SCMH1: variants seen among roughly 807,000 people sequenced by gnomAD.
The protein encoded by SCMH1 is polycomb protein SCMH1.
Under a neutral mutation model 70.8 loss-of-function variants are expected in SCMH1, and 37 were observed. The ratio of observed to expected loss-of-function variants is 0.52; its 90% CI spans 0.40 to 0.69. SCMH1 has a LOEUF of 0.69. SCMH1 is among the 30% of genes least tolerant of loss of function. SCMH1 has a pLI of 0.00. For synonymous variants in SCMH1, 292 were observed against 307.4 expected (o/e 0.95, Z 0.52); for missense variants, 607 against 827.3 (o/e 0.73, Z 3.27).
chr1:41,196,370 G>A (rs1653020079), intron 1 of SCMH1, among the ~76,000 whole-genome samples: 1 of 151,984 alleles, frequency 6.6e-6, no homozygotes, highest in Non-Finnish European at 1.5e-5. Context: ...GGATAGATAA[G>A]CAGACCAATG....
rs753904360 is a variant in SCMH1 at position 41,090,533 on chromosome 1, C to CA, written c.746-15083dup. On this transcript the variant is annotated intron_variant, in intron 8 of 14. Coordinates refer to ENST00000337495, the Ensembl canonical transcript of SCMH1. ...TGGATATTCTCCTTTGATTCTAAAC[C>CA]AAAAAAAAAAAAGATAAATGCTTGA... Among the ~76,000 whole-genome samples the CA allele has an allele frequency of 1.7e-3, 235 of 135,606 alleles. 1 individual carries two copies. The highest frequency in any genetic ancestry group is 7.5e-3 in the Middle Eastern group (2 of 268). The allele number at this position is 135,606 out of a possible 152,430, so 89.0% of individuals were successfully genotyped here. A position where few individuals can be genotyped will look rare whatever the true frequency, so the allele number is the denominator to read the frequency against.
intron 6 of SCMH1, among the ~76,000 whole-genome samples, chr1:41,126,355 A>G (rs1326592517): frequency 6.6e-6 from 1 of 152,140 alleles, no homozygotes; most frequent in African/African-American, 2.4e-5. Context: ...TTTCTAATCA[A>G]TTTTAGGGTT....
intron 12 of SCMH1, among the ~76,000 whole-genome samples, chr1:41,042,210 T>C (rs1287633940): frequency 6.6e-6 from 1 of 151,640 alleles, no homozygotes; most frequent in African/African-American, 2.4e-5. Context: ...GTAGGGACAA[T>C]ATCTTTGTCA....
chr1:41,128,012 C>T (rs1408679356), intron 6 of SCMH1, among the ~76,000 whole-genome samples: 2 of 152,148 alleles, frequency 1.3e-5, no homozygotes. Flanking sequence ...TACCACACTA[C>T]CTTTATCATA....
chr1:41,238,116 C>CAA (rs1366715532), intron 1 of SCMH1, among the ~76,000 whole-genome samples: 1 of 152,204 alleles, frequency 6.6e-6, no homozygotes, highest in African/African-American at 2.4e-5. Flanking sequence ...TAGTAAGTGA[C>CAA]AGAGTCTAGA....
At chr1:41,050,921 G>A (rs545447772) in intron 10 of SCMH1, among the ~76,000 whole-genome samples, 1 of 152,246 alleles carries the variant, frequency 6.6e-6, no homozygotes, top group East Asian at 1.9e-4. Context: ...ATCTAGTAAT[G>A]TGACTCTTTT....
intron 8 of SCMH1, among the ~76,000 whole-genome samples, chr1:41,085,777 T>A (rs1037457169): frequency 1.4e-4 from 21 of 151,910 alleles, no homozygotes; most frequent in African/African-American, 4.8e-4. Flanking sequence ...TGGTTACATA[T>A]TGAAATGATA....
chr1:41,198,055 T>C (rs1653448362), intron 1 of SCMH1, among the ~76,000 whole-genome samples: 1 of 152,212 alleles, frequency 6.6e-6, no homozygotes, highest in Non-Finnish European at 1.5e-5. Context: ...TCTACATCTT[T>C]AAAATGGAAG....
chr1:41,145,456 G>A (rs1644467972), intron 5 of SCMH1, among the ~76,000 whole-genome samples: 1 of 152,118 alleles, frequency 6.6e-6, no homozygotes, highest in South Asian at 2.1e-4. Flanking sequence ...TATGTCTTAA[G>A]TACTGTAGCT....
intron 2 of SCMH1, among the ~76,000 whole-genome samples, chr1:41,184,145 C>T (rs1238688250): frequency 6.6e-6 from 1 of 152,144 alleles, no homozygotes; most frequent in Non-Finnish European, 1.5e-5. Context: ...AATAAACTTG[C>T]ATTCCTGGGA....
chr1:41,159,595 C>T (rs915003168), intron 4 of SCMH1: 2 of 1,062,580 alleles, frequency 1.9e-6, no homozygotes, highest in Non-Finnish European at 2.5e-6. Context: ...GAATTTGAAC[C>T]TTGGTTCAAA....
intron 13 of SCMH1, among the ~76,000 whole-genome samples, chr1:41,029,479 C>T (rs1399261092): frequency 6.6e-6 from 1 of 152,166 alleles, no homozygotes; most frequent in Non-Finnish European, 1.5e-5. Context: ...GGATTACAGG[C>T]GTGAACCACC....
intron 2 of SCMH1, among the ~76,000 whole-genome samples, chr1:41,181,904 G>A (rs1253383448): frequency 5.9e-5 from 9 of 152,186 alleles, no homozygotes; most frequent in Non-Finnish European, 1.3e-4. Context: ...GCACACGTAT[G>A]TTTATTGCGG....
exon 13 of SCMH1, chr1:41,037,539 C>T (rs1645473147): frequency 6.2e-7 from 1 of 1,613,480 alleles, no homozygotes; most frequent in Non-Finnish European, 8.5e-7. Flanking sequence ...ACAAAGGTTT[C>T]ACCTGAAAAA....
chr1:41,082,668 C>G (rs1268462716), intron 8 of SCMH1, among the ~76,000 whole-genome samples: 1 of 151,850 alleles, frequency 6.6e-6, no homozygotes, highest in Non-Finnish European at 1.5e-5. Context: ...AGAGACACAA[C>G]AAAAAAAGAG....
intron 12 of SCMH1, among the ~76,000 whole-genome samples, chr1:41,039,418 C>A (rs1171981351): frequency 6.6e-6 from 1 of 151,988 alleles, no homozygotes; most frequent in Non-Finnish European, 1.5e-5. Flanking sequence ...CTAGTCCTGA[C>A]AAGGCTGATC....
At chr1:41,142,234 A>G (rs1644159118) in intron 6 of SCMH1, among the ~76,000 whole-genome samples, 1 of 152,090 alleles carries the variant, frequency 6.6e-6, no homozygotes, top group African/African-American at 2.4e-5. Flanking sequence ...AAGTATAGTC[A>G]AAGTCCATAA....
intron 1 of SCMH1, among the ~76,000 whole-genome samples, chr1:41,203,878 TG>T (rs1312685591): frequency 6.6e-6 from 1 of 152,228 alleles, no homozygotes; most frequent in Admixed American, 6.5e-5. Flanking sequence ...AATAAATACG[TG>T]GGTAAATCTC....
chr1:41,094,443 A>T (rs1157070224), intron 8 of SCMH1, among the ~76,000 whole-genome samples: 1 of 152,192 alleles, frequency 6.6e-6, no homozygotes, highest in Non-Finnish European at 1.5e-5. Context: ...ATGCTGTGAA[A>T]GGGTCTTGGG....
Sources: gnomAD v4.1 joint callset for allele counts (sites outside exome capture counted in the v4.1 genomes callset) on GRCh38, gnomAD v4.1.1 for gene constraint, MANE v1.5 for transcripts, NCBI Gene and HGNC (gene_info 2026-07-23, HGNC 2026-07-21) for gene names.